IFT74: variants seen among roughly 807,000 people sequenced by gnomAD.
The protein encoded by IFT74 is intraflagellar transport 74.
In IFT74, 92 loss-of-function variants were observed where a neutral mutation model predicts 96.7. The observed-to-expected ratio is 0.95, with a 90% confidence interval of 0.80 to 1.13. The LOEUF (loss-of-function observed/expected upper bound fraction) is 1.13. IFT74 is among the 50% of genes most tolerant of loss of function. IFT74 has a pLI of 0.00. For missense variants in IFT74, 811 were observed against 698.2 expected, an observed-to-expected ratio of 1.16 and a Z score of -1.82; for synonymous variants, 223 against 213.2, an observed-to-expected ratio of 1.05 and a Z score of -0.40.
chr9:27,060,924 T>G (rs988427634), intron 19 of IFT74: 1 of 158,718 alleles, frequency 6.3e-6, no homozygotes, highest in Admixed American at 9.9e-5. Context: ...ATGGCACCAC[T>G]GCACTCCAGC....
intron 3 of IFT74, among the ~76,000 whole-genome samples, chr9:26,979,161 T>A (rs1587275805): frequency 6.6e-6 from 1 of 152,144 alleles, no homozygotes; most frequent in East Asian, 1.9e-4. Context: ...ATTTTTTTTT[T>A]TTGAGACTTA....
At chr9:27,062,230 G>A (rs1437070800) in intron 19 of IFT74, among the ~76,000 whole-genome samples, 2 of 152,142 alleles carry the variant, frequency 1.3e-5, no homozygotes, top group Non-Finnish European at 2.9e-5. Context: ...GGTGATTTTG[G>A]AGCAGAGCGA....
At chr9:27,012,708 GTTTTTTT>G (rs772920018) in intron 10 of IFT74, among the ~76,000 whole-genome samples, 1 of 53,866 alleles carries the variant, frequency 1.9e-5, no homozygotes, top group African/African-American at 8.2e-5. Flanking sequence ...AAAAATGTCT[GTTTTTTT>G]TTTTTTTTTT....
intron 7 of IFT74, among the ~76,000 whole-genome samples, 195 bp from the exon 8 acceptor site, chr9:26,989,936 GCTT>G (rs1455669910): frequency 6.6e-6 from 1 of 152,094 alleles, no homozygotes; most frequent in Non-Finnish European, 1.5e-5. Context: ...AGATTACAAT[GCTT>G]CTTAAAAAGA....
intron 2 of IFT74, among the ~76,000 whole-genome samples, chr9:26,967,614 G>T (rs549197902): frequency 1.3e-5 from 2 of 152,124 alleles, no homozygotes; most frequent in African/African-American, 4.8e-5. Context: ...CTCTAGCCAG[G>T]AATTCCAGTA....
intron 8 of IFT74, chr9:26,996,263 T>G: frequency 9.4e-7 from 1 of 1,063,440 alleles, no homozygotes; most frequent in Non-Finnish European, 1.3e-6. Context: ...CTCAGTTTAT[T>G]TAGTATGATA....
chr9:26,970,099 C>T (rs1826818625), intron 2 of IFT74, among the ~76,000 whole-genome samples: 1 of 151,912 alleles, frequency 6.6e-6, no homozygotes, highest in Admixed American at 6.6e-5. Flanking sequence ...TGACTAGATA[C>T]TTTTCTCTTA....
intron 1 of IFT74, chr9:26,947,156 G>T (rs1228893479): frequency 2.3e-6 from 3 of 1,288,034 alleles, no homozygotes; most frequent in South Asian, 3.3e-5. Context: ...GGTAAGGGGC[G>T]GCCGGAGACC....
intron 3 of IFT74, among the ~76,000 whole-genome samples, chr9:26,980,081 A>G (rs1225455099): frequency 1.3e-5 from 2 of 152,146 alleles, no homozygotes; most frequent in Admixed American, 6.5e-5. Context: ...GACAAATGAT[A>G]AAAAATCATA....
At chr9:27,015,801 T>G (rs1012724483) in intron 10 of IFT74, among the ~76,000 whole-genome samples, 17 of 152,228 alleles carry the variant, frequency 1.1e-4, no homozygotes, top group African/African-American at 4.1e-4. Flanking sequence ...GAGATGATAG[T>G]ACTATCTTGT....
chr9:26,972,646 CT>C (rs1466364960), intron 2 of IFT74, among the ~76,000 whole-genome samples: 1 of 152,122 alleles, frequency 6.6e-6, no homozygotes, highest in Non-Finnish European at 1.5e-5. Context: ...CAAAAATTTA[CT>C]TTTTAGTGAG....
chr9:26,966,371 C>T (rs968368170), intron 2 of IFT74, among the ~76,000 whole-genome samples: 12 of 151,966 alleles, frequency 7.9e-5, no homozygotes, highest in African/African-American at 2.7e-4. Flanking sequence ...GTCGTTTTAA[C>T]TGGAGTGAGA....
At chr9:26,998,721 C>T (rs1311172771) in intron 8 of IFT74, among the ~76,000 whole-genome samples, 2 of 152,088 alleles carry the variant, frequency 1.3e-5, no homozygotes, top group Admixed American at 6.5e-5. Flanking sequence ...TGGTGGCTCA[C>T]GCCTGTAATC....
chr9:26,996,478 C>A, intron 8 of IFT74: 1 of 1,494,002 alleles, frequency 6.7e-7, no homozygotes, highest in Non-Finnish European at 9.0e-7. Context: ...GGGGTAGCTA[C>A]ACATGGTGAT....
intron 2 of IFT74, among the ~76,000 whole-genome samples, chr9:26,962,787 A>G (rs1826422429): frequency 6.6e-6 from 1 of 152,098 alleles, no homozygotes. Context: ...ACTGAAAAGG[A>G]AAATATTTTT....
intron 8 of IFT74, chr9:26,999,579 A>G (rs1414997163): frequency 8.2e-6 from 12 of 1,462,172 alleles, no homozygotes; most frequent in Non-Finnish European, 1.0e-5. Context: ...TGTACCTTTG[A>G]AAATATTTTT....
At chr9:26,952,702 T>C (rs940735024), upstream of IFT74, among the ~76,000 whole-genome samples, 1 of 152,252 alleles carries the variant, frequency 6.6e-6, no homozygotes. Flanking sequence ...CAGTTTCTTG[T>C]GTTCTTCCCA....
chr9:27,004,573 G>A (rs183519282), intron 8 of IFT74, among the ~76,000 whole-genome samples: 4 of 152,262 alleles, frequency 2.6e-5, no homozygotes, highest in East Asian at 3.9e-4. Flanking sequence ...AATCAGATAC[G>A]CAGAATAGCT....
Position 26,983,259 on chromosome 9 carries a change from T to C in IFT74, c.306-998T>C, listed in dbSNP as rs544421886. The stretch of plus-strand genomic sequence containing the variant: ...TTTAGTATCTCTGACATTCAGCCAC[T>C]TTTTAATCAAAAGAAGGAAAGGAAA... On this transcript the variant is annotated intron_variant, in intron 4 of 19. Transcript: ENST00000380062. Among the ~76,000 whole-genome samples, 25 of 152,312 alleles carry C rather than the reference T, an allele frequency of 1.6e-4. No individual in the cohort carries two copies. The South Asian group carries it at 3.1e-3, about 19-fold the overall frequency.
Sources: allele counts gnomAD v4.1 joint callset (sites outside exome capture counted in the v4.1 genomes callset), GRCh38; gene constraint gnomAD v4.1.1; transcripts MANE v1.5; gene names NCBI Gene and HGNC (gene_info 2026-07-23, HGNC 2026-07-21).